The following MSANTD7 variants were observed in gnomAD, a reference collection of about 807,000 sequenced individuals.
MSANTD7 encodes the protein Myb/SANT DNA binding domain containing 7, also known as zinc finger and SCAN domain containing 29.
chr10:14,840,035 C>G, the MSANTD7 span: 40 of 1,369,164 alleles, frequency 2.9e-5, no homozygotes, highest in South Asian at 2.1e-4. Context: ...AAATTACATA[C>G]ATTGTAATAT....
At chr10:14,845,098 C>G in the MSANTD7 span, 1 of 985,366 alleles carries the variant, frequency 1.0e-6, no homozygotes, top group Non-Finnish European at 1.2e-6. Context: ...AAGCACTAGC[C>G]GTGAACAGAT....
the MSANTD7 span, chr10:14,842,339 A>G: frequency 6.5e-7 from 1 of 1,535,624 alleles, no homozygotes; most frequent in African/African-American, 1.4e-5. The surrounding 1 kb of genome is among the most constrained non-coding windows in gnomAD (Gnocchi z 5.2). Flanking sequence ...GGAGACACGA[A>G]CTCTTCTCTC....
chr10:14,843,756 A>G, the MSANTD7 span: 13 of 1,536,486 alleles, frequency 8.5e-6, no homozygotes, highest in Non-Finnish European at 7.0e-6. Flanking sequence ...GTGCTCAGCA[A>G]GATACTGCCA....
the MSANTD7 span, chr10:14,843,507 C>T: frequency 6.4e-7 from 1 of 1,550,692 alleles, no homozygotes; most frequent in East Asian, 2.4e-5. Context: ...CCAACCGCAG[C>T]ACTCCTGGGG....
the MSANTD7 span, chr10:14,842,551 C>T: frequency 4.6e-6 from 7 of 1,536,190 alleles, no homozygotes; most frequent in Admixed American, 3.9e-5. This position sits in a 1 kb window ranked among gnomAD's most constrained non-coding sequence, Gnocchi z 5.2. Flanking sequence ...AGCCACCACA[C>T]TGTCCATTTT....
the MSANTD7 span, chr10:14,840,075 A>C: frequency 1.5e-6 from 2 of 1,360,230 alleles, no homozygotes; most frequent in Non-Finnish European, 2.0e-6. Context: ...TTTTTTTCAG[A>C]TTGTTGGATT....
chr10:14,842,014 GCTAT>G, the MSANTD7 span: 1 of 658,790 alleles, frequency 1.5e-6, no homozygotes, highest in Non-Finnish European at 2.6e-6. The surrounding 1 kb of genome is among the most constrained non-coding windows in gnomAD (Gnocchi z 5.2). Context: ...CCAAAGTTGG[GCTAT>G]CTCAGTCTTG....
the MSANTD7 span, chr10:14,842,801 G>C: frequency 1.3e-6 from 2 of 1,535,620 alleles, no homozygotes; most frequent in Non-Finnish European, 8.7e-7. The surrounding 1 kb of genome is among the most constrained non-coding windows in gnomAD (Gnocchi z 5.2). Flanking sequence ...CCGGATACGA[G>C]AAACCAGTGA....
At chr10:14,844,899 T>C in the MSANTD7 span, 22 of 985,344 alleles carry the variant, frequency 2.2e-5, no homozygotes, top group Non-Finnish European at 2.5e-5. Flanking sequence ...TAGTATGTTA[T>C]ACAGGGCAAG....
chr10:14,846,274 C>T, the MSANTD7 span: 65 of 985,284 alleles, frequency 6.6e-5, no homozygotes, highest in East Asian at 2.3e-4. Context: ...AAGTACTTGA[C>T]GGAGAGTTAG....
the MSANTD7 span, chr10:14,842,928 C>A: frequency 9.9e-7 from 1 of 1,012,246 alleles, no homozygotes; most frequent in Non-Finnish European, 1.4e-6. The surrounding 1 kb of genome is among the most constrained non-coding windows in gnomAD (Gnocchi z 5.2). Context: ...GGATAGTGTC[C>A]TCTTCAGCAT....
At chr10:14,842,154 C>A in the MSANTD7 span, 3 of 1,534,720 alleles carry the variant, frequency 2.0e-6, no homozygotes, top group South Asian at 3.6e-5. This position sits in a 1 kb window ranked among gnomAD's most constrained non-coding sequence, Gnocchi z 5.2. Flanking sequence ...GGTCCTTGGA[C>A]CTGGCTTCTC....
the MSANTD7 span, chr10:14,845,510 A>G: frequency 1.0e-6 from 1 of 985,282 alleles, no homozygotes; most frequent in Non-Finnish European, 1.2e-6. Context: ...GTGGTAGAAT[A>G]TGTTGGAATC....
the MSANTD7 span, chr10:14,838,502 C>A: frequency 1.3e-6 from 2 of 1,545,248 alleles, no homozygotes; most frequent in Non-Finnish European, 8.8e-7. Flanking sequence ...TGACGGCCAC[C>A]CGGTTTTCTG....
At chr10:14,842,239 G>C in the MSANTD7 span, 1 of 1,535,646 alleles carries the variant, frequency 6.5e-7, no homozygotes, top group Non-Finnish European at 8.7e-7. The surrounding 1 kb of genome is among the most constrained non-coding windows in gnomAD (Gnocchi z 5.2). Flanking sequence ...CTTCAGACTT[G>C]CACCTTGCTG....
At chr10:14,838,666 A>C in the MSANTD7 span, 1 of 525,934 alleles carries the variant, frequency 1.9e-6, no homozygotes, top group African/African-American at 2.0e-5. Context: ...TCCGCGGCGG[A>C]GGCTCGCGGC....
chr10:14,843,853 G>A, the MSANTD7 span: 1 of 1,536,402 alleles, frequency 6.5e-7, no homozygotes, highest in Non-Finnish European at 8.7e-7. Context: ...GCTAGGCCTT[G>A]AAAAATTGCT....
the MSANTD7 span, chr10:14,843,655 G>A: frequency 3.2e-6 from 5 of 1,549,150 alleles, no homozygotes; most frequent in Non-Finnish European, 3.5e-6. Context: ...TATCGCAGCC[G>A]AGTTGGCAGA....
At chr10:14,838,313 T>C in the MSANTD7 span, 2 of 1,333,236 alleles carry the variant, frequency 1.5e-6, no homozygotes, top group East Asian at 5.0e-5. Context: ...AACGTGAAGC[T>C]CCGCGGTGCC....
Sources: allele counts gnomAD v4.1 joint callset, GRCh38; gene constraint gnomAD v4.1.1; non-coding constraint Gnocchi (gnomAD v3.1); transcripts MANE v1.5; gene names NCBI Gene and HGNC (gene_info 2026-07-23, HGNC 2026-07-21).